The following PSD3 variants were observed in gnomAD, a reference collection of about 807,000 sequenced individuals.
The protein encoded by PSD3 is pleckstrin and Sec7 domain containing 3, also known as PH and SEC7 domain-containing protein 3.
In PSD3, 49 loss-of-function variants were observed where a neutral mutation model predicts 105.5. That is an observed-to-expected ratio of 0.46 (90% CI 0.37 to 0.59). The LOEUF is 0.59. Among genes scored for constraint, PSD3 ranks in the 20% least tolerant of loss-of-function variants. PSD3 has a pLI of 0.00. For synonymous variants in PSD3, 557 were observed against 457.8 expected (o/e 1.22, Z -2.77); for missense variants, 1,561 against 1,263.8 (o/e 1.24, Z -3.57).
chr8:19,003,289 T>C (rs1826496409), intron 1 of PSD3, among the ~76,000 whole-genome samples: 1 of 151,856 alleles, frequency 6.6e-6, no homozygotes, highest in Admixed American at 6.6e-5. Flanking sequence ...GAGGATTGTT[T>C]GAGGCCAGGA....
chr8:18,956,300 A>T (rs1823570803), intron 1 of PSD3, among the ~76,000 whole-genome samples: 1 of 152,150 alleles, frequency 6.6e-6, no homozygotes, highest in African/African-American at 2.4e-5. Context: ...GGGCATGCAC[A>T]ACACTGGTAT....
At chr8:18,629,830 C>T (rs940097150) in intron 11 of PSD3, among the ~76,000 whole-genome samples, 1 of 151,910 alleles carries the variant, frequency 6.6e-6, no homozygotes, top group African/African-American at 2.4e-5. Flanking sequence ...ACTATATACT[C>T]TAAATTGGTG....
intron 1 of PSD3, among the ~76,000 whole-genome samples, chr8:19,012,984 A>T (rs947831802): frequency 1.3e-5 from 2 of 152,064 alleles, no homozygotes; most frequent in Admixed American, 1.3e-4. Context: ...TTCTAAACCC[A>T]CGTCCTCTAA....
intron 9 of PSD3, among the ~76,000 whole-genome samples, chr8:18,675,838 C>T (rs1362764221): frequency 6.6e-6 from 1 of 152,168 alleles, no homozygotes; most frequent in Admixed American, 6.5e-5. Flanking sequence ...TCTTGCACAG[C>T]TACTCTTGGT....
intron 9 of PSD3, among the ~76,000 whole-genome samples, chr8:18,727,573 C>CACAT (rs2129429794): frequency 6.6e-6 from 1 of 150,784 alleles, no homozygotes; most frequent in South Asian, 2.1e-4. Context: ...CACACACACA[C>CACAT]ACACACACAC....
intron 1 of PSD3, among the ~76,000 whole-genome samples, chr8:18,997,045 C>A (rs1277029835): frequency 6.6e-6 from 1 of 151,940 alleles, no homozygotes; most frequent in Admixed American, 6.6e-5. Context: ...GGTGCCTTCT[C>A]ATCTCTTCAA....
In PSD3 at chr8:18,535,602, A is replaced by T. The variant is rs997131219; in HGVS notation, c.*141T>A. The T allele has an allele frequency of 2.7e-6, 2 of 746,474 alleles. No individual in the cohort carries two copies. Among genetic ancestry groups the T allele is most frequent in the African/African-American group, 1.8e-5 (1 of 56,504 alleles). 46.2% of individuals were successfully genotyped at this position (746,474 alleles called of 1,614,324 possible). A position where few individuals can be genotyped will look rare whatever the true frequency, so the allele number is the denominator to read the frequency against. On this transcript the variant is annotated 3_prime_UTR_variant, in exon 16 of 16. Coordinates refer to ENST00000327040, the MANE Select transcript of PSD3 (RefSeq NM_015310.4). ...AAAGACAATCTGTACAGAAACTAAC[A>T]AAAATATACAATAGAAAAAATTACT...
In PSD3 at chr8:18,691,960, C is replaced by A. The variant is rs540538057; in HGVS notation, c.2173-36275G>T. Among the ~76,000 whole-genome samples, 348 of 152,262 alleles carry A rather than the reference C, an allele frequency of 2.3e-3. 3 individuals carry two copies. Among genetic ancestry groups the A allele is most frequent in the African/African-American group, 8.0e-3 (332 of 41,546 alleles). Reference sequence around the variant, plus strand: ...TGTCTCATTTTCATTTATCAAAAGTCCTCTAAAATTACCAACATTTCATTT... The same window carrying A: ...TGTCTCATTTTCATTTATCAAAAGTACTCTAAAATTACCAACATTTCATTT... On this transcript the variant is annotated intron_variant, in intron 9 of 15. Coordinates refer to ENST00000327040, the MANE Select transcript of PSD3 (RefSeq NM_015310.4).
chr8:18,717,770 C>T (rs1190988869), intron 9 of PSD3, among the ~76,000 whole-genome samples: 1 of 152,214 alleles, frequency 6.6e-6, no homozygotes, highest in Non-Finnish European at 1.5e-5. Flanking sequence ...TCTCTCCATA[C>T]AGCCTGCCTT....
intron 4 of PSD3, among the ~76,000 whole-genome samples, chr8:18,828,819 T>C (rs6586767): frequency 0.3 from 44,110 of 148,888 alleles, 6,711 homozygotes; most frequent in African/African-American, 0.34. Flanking sequence ...AAACAAAAAA[T>C]TGGGCATCGG....
At chr8:18,950,367 A>G (rs1823160418) in intron 1 of PSD3, among the ~76,000 whole-genome samples, 1 of 152,176 alleles carries the variant, frequency 6.6e-6, no homozygotes, top group Non-Finnish European at 1.5e-5. Context: ...TGGTAGCAAC[A>G]TTTGAAATTT....
At chr8:18,539,693 G>T (rs111312905) in intron 15 of PSD3, among the ~76,000 whole-genome samples, 1 of 151,528 alleles carries the variant, frequency 6.6e-6, no homozygotes, top group Non-Finnish European at 1.5e-5. Context: ...GACTGCAGGC[G>T]TGCACCACCA....
chr8:19,024,772 T>C (rs1478012401), intron 1 of PSD3, among the ~76,000 whole-genome samples: 1 of 151,962 alleles, frequency 6.6e-6, no homozygotes, highest in Non-Finnish European at 1.5e-5. Flanking sequence ...AGCTTAGGAG[T>C]TGATGAATTC....
chr8:18,834,267 T>C (rs1467928760), intron 4 of PSD3, among the ~76,000 whole-genome samples: 2 of 152,316 alleles, frequency 1.3e-5, no homozygotes, highest in South Asian at 4.1e-4. Context: ...TGAGCCTTGA[T>C]TACATGGCAA....
intron 12 of PSD3, among the ~76,000 whole-genome samples, chr8:18,575,676 C>T (rs913466374): frequency 2.0e-5 from 3 of 152,136 alleles, no homozygotes; most frequent in Admixed American, 6.5e-5. Flanking sequence ...AAAAGCACAA[C>T]CTTACAGGTA....
chr8:19,067,049 G>A (rs1327740631), intron 1 of PSD3, among the ~76,000 whole-genome samples: 1 of 152,128 alleles, frequency 6.6e-6, no homozygotes, highest in African/African-American at 2.4e-5. Context: ...GCATAACAAT[G>A]AATATTTATT....
chr8:18,904,773 G>A (rs953664935), intron 2 of PSD3, among the ~76,000 whole-genome samples: 1 of 152,062 alleles, frequency 6.6e-6, no homozygotes, highest in Non-Finnish European at 1.5e-5. Flanking sequence ...ACATAAACAC[G>A]CAACTTTGCC....
At chr8:19,072,042 C>G (rs4921624) in intron 1 of PSD3, among the ~76,000 whole-genome samples, 145,158 of 151,824 alleles carry the variant, frequency 0.96, 69,772 homozygotes, top group Non-Finnish European at 1. Flanking sequence ...TTAGAGGACC[C>G]TGATGCACAT....
chr8:18,823,587 T>C (rs1430084810), intron 4 of PSD3, among the ~76,000 whole-genome samples: 1 of 152,132 alleles, frequency 6.6e-6, no homozygotes, highest in African/African-American at 2.4e-5. Context: ...CAGCTGCAAG[T>C]CACCCAAGAG....
Sources: allele counts gnomAD v4.1 joint callset (sites outside exome capture counted in the v4.1 genomes callset), GRCh38; gene constraint gnomAD v4.1.1; transcripts MANE v1.5; gene names NCBI Gene and HGNC (gene_info 2026-07-23, HGNC 2026-07-21).